Variants in SAMD12 observed in about 807,000 individuals in gnomAD.
SAMD12 encodes the protein sterile alpha motif domain-containing protein 12.
In SAMD12, 9 loss-of-function variants were observed where a neutral mutation model predicts 15.0. The observed-to-expected ratio is 0.60, with a 90% confidence interval of 0.36 to 1.05. The LOEUF is 1.05. Among genes scored for constraint, SAMD12 ranks in the 50% least tolerant of loss-of-function variants. The pLI, the probability that SAMD12 is intolerant of heterozygous loss-of-function variation, is 0.01. For missense variants in SAMD12, 230 were observed against 234.2 expected (o/e 0.98, Z 0.12); for synonymous variants, 86 against 90.1 (o/e 0.96, Z 0.25).
intron 3 of SAMD12, among the ~76,000 whole-genome samples, chr8:118,387,193 G>A (rs936151272): frequency 2.6e-5 from 4 of 152,082 alleles, no homozygotes; most frequent in Admixed American, 2.6e-4. Flanking sequence ...GGAATTTTGG[G>A]AACAAAGAAA....
At chr8:118,573,600 T>C (rs1827077128) in intron 2 of SAMD12, among the ~76,000 whole-genome samples, 1 of 152,186 alleles carries the variant, frequency 6.6e-6, no homozygotes, top group African/African-American at 2.4e-5. Flanking sequence ...GAGTGAACTT[T>C]TGAAGAGTGA....
chr8:118,251,577 G>C (rs1388367786), intron 4 of SAMD12, among the ~76,000 whole-genome samples: 1 of 152,078 alleles, frequency 6.6e-6, no homozygotes, highest in African/African-American at 2.4e-5. Flanking sequence ...TCTCGGAATG[G>C]AAATTTAATC....
chr8:118,464,099 C>A (rs942495115), intron 2 of SAMD12, among the ~76,000 whole-genome samples: 1 of 152,086 alleles, frequency 6.6e-6, no homozygotes, highest in Non-Finnish European at 1.5e-5. Flanking sequence ...TTCAGCTGAT[C>A]CTTCAATTAT....
At chr8:118,336,082 C>T (rs1013884676) in intron 4 of SAMD12, among the ~76,000 whole-genome samples, 7 of 152,158 alleles carry the variant, frequency 4.6e-5, no homozygotes, top group Non-Finnish European at 8.8e-5. Flanking sequence ...TACTTCCATG[C>T]TACAAATTAG....
chr8:118,261,992 C>T (rs536377798), intron 4 of SAMD12, among the ~76,000 whole-genome samples: 86 of 151,718 alleles, frequency 5.7e-4, no homozygotes, highest in Admixed American at 9.9e-4. Flanking sequence ...GAATACTATT[C>T]AGCCTTAAAA....
chr8:118,366,871 TAA>T lies in SAMD12; in HGVS notation c.433+12687_433+12688del, dbSNP rs1475337318. On this transcript the variant is annotated intron_variant, in intron 4 of 4. Coordinates refer to the SAMD12 transcript ENST00000409003. ...TAAAATAAAATAAAATAAAATAAAA[TAA>T]AATAAAATAATAAAATAAAATAAAA... Among the ~76,000 whole-genome samples, 103 of 115,408 alleles carry T rather than the reference TAA, an allele frequency of 8.9e-4. 2 individuals carry two copies. The highest frequency in any genetic ancestry group is 2.9e-3 in the African/African-American group (81 of 27,668). 75.7% of individuals were successfully genotyped at this position (115,408 alleles called of 152,430 possible).
At chr8:118,464,390 T>G (rs1459922671) in intron 2 of SAMD12, among the ~76,000 whole-genome samples, 2 of 152,234 alleles carry the variant, frequency 1.3e-5, no homozygotes, top group African/African-American at 2.4e-5. Context: ...CAGAGAACAC[T>G]TCAGAGAAAA....
At position 118,214,413 on chromosome 8, in the gene SAMD12, T is replaced by C. The variant is rs73318023; in HGVS notation, c.434-16681A>G. Among the ~76,000 whole-genome samples, 1,296 of 152,336 alleles carry C rather than the reference T, an allele frequency of 8.5e-3. 19 individuals carry two copies. The highest frequency in any genetic ancestry group is 0.029 in the African/African-American group (1,225 of 41,570). ...TGCCCAGGTTATGGTTTCTGCAGCA[T>C]GTTAGCTGATGGTCATAGTGTGTGC... On this transcript the variant is annotated intron_variant, in intron 4 of 4. Transcript: ENST00000409003.
At position 118,621,827 on chromosome 8, in the gene SAMD12, C is replaced by T. The variant is rs1828417800; in HGVS notation, c.-11G>A. On this transcript the variant is annotated 5_prime_UTR_variant, in exon 1 of 4. Transcript: ENST00000314727. The stretch of plus-strand genomic sequence containing the variant: ...ACCTTCCACAGCCATTCTCTCAGAG[C>T]TTCCCTAACGCATGCATAATTTTCT... 6.2e-7 allele frequency: 1 copy of T among 1,614,114 alleles called. No individual in the cohort carries two copies. The highest frequency in any genetic ancestry group is 8.5e-7 in the Non-Finnish European group (1 of 1,179,962).
intron 2 of SAMD12, among the ~76,000 whole-genome samples, chr8:118,445,717 C>T (rs1395277921): frequency 6.6e-6 from 1 of 152,090 alleles, no homozygotes; most frequent in Non-Finnish European, 1.5e-5. Context: ...CATCTTTAAC[C>T]ACTGCTTTAA....
intron 4 of SAMD12, among the ~76,000 whole-genome samples, chr8:118,356,673 G>A (rs1465978596): frequency 6.6e-6 from 1 of 152,122 alleles, no homozygotes; most frequent in Non-Finnish European, 1.5e-5. Context: ...TTTCATACAG[G>A]TCCCTCACTG....
At chr8:118,524,498 C>T (rs1283871177) in intron 2 of SAMD12, among the ~76,000 whole-genome samples, 1 of 152,070 alleles carries the variant, frequency 6.6e-6, no homozygotes, top group Non-Finnish European at 1.5e-5. Flanking sequence ...GCTCTTCCCT[C>T]CCCCTAGGAT....
the SAMD12 span, among the ~76,000 whole-genome samples, chr8:118,141,998 A>T: frequency 6.6e-6 from 1 of 152,230 alleles, no homozygotes; most frequent in East Asian, 1.9e-4. Flanking sequence ...TCATAGTAAC[A>T]TGAAATGATA....
At chr8:118,355,719 C>A (rs1038673552) in intron 4 of SAMD12, among the ~76,000 whole-genome samples, 1 of 152,110 alleles carries the variant, frequency 6.6e-6, no homozygotes, top group Non-Finnish European at 1.5e-5. Flanking sequence ...ATTCTCCAAC[C>A]AGCTATTCAG....
chr8:118,455,910 C>T (rs986180820), intron 2 of SAMD12, among the ~76,000 whole-genome samples: 1 of 152,234 alleles, frequency 6.6e-6, no homozygotes, highest in Admixed American at 6.5e-5. Flanking sequence ...TTTATTCCTT[C>T]CACCTCATTC....
intron 2 of SAMD12, among the ~76,000 whole-genome samples, chr8:118,533,857 C>G (rs1357579412): frequency 6.6e-6 from 1 of 151,870 alleles, no homozygotes; most frequent in Admixed American, 6.6e-5. Flanking sequence ...AGATGGGTTT[C>G]CTGAATACAG....
At chr8:118,568,165 G>T (rs2131227094) in intron 2 of SAMD12, among the ~76,000 whole-genome samples, 1 of 152,284 alleles carries the variant, frequency 6.6e-6, no homozygotes, top group South Asian at 2.1e-4. Flanking sequence ...TATTTTAATA[G>T]AACTGACCAT....
intron 4 of SAMD12, among the ~76,000 whole-genome samples, chr8:118,279,799 A>T (rs1170358148): frequency 6.6e-6 from 1 of 152,232 alleles, no homozygotes; most frequent in Non-Finnish European, 1.5e-5. Flanking sequence ...TGTTTCCCAT[A>T]CATCTGAGAT....
At chr8:118,414,901 C>G (rs1821604513) in intron 3 of SAMD12, among the ~76,000 whole-genome samples, 1 of 150,258 alleles carries the variant, frequency 6.7e-6, no homozygotes, top group Non-Finnish European at 1.5e-5. Flanking sequence ...TTCCTTTGCA[C>G]AGAGTGGGAC....
Sources: allele counts gnomAD v4.1 joint callset (sites outside exome capture counted in the v4.1 genomes callset), GRCh38; gene constraint gnomAD v4.1.1; transcripts MANE v1.5; gene names NCBI Gene and HGNC (gene_info 2026-07-23, HGNC 2026-07-21).